Variants in PTPRD observed in about 807,000 individuals in gnomAD.
The protein encoded by PTPRD is protein tyrosine phosphatase receptor type D.
In PTPRD, 34 loss-of-function variants were observed where a neutral mutation model predicts 214.5. The ratio of observed to expected loss-of-function variants is 0.16; its 90% CI spans 0.12 to 0.21. The LOEUF (loss-of-function observed/expected upper bound fraction) is 0.21, where lower values mean the gene tolerates loss of function less well. PTPRD is among the 10% of genes least tolerant of loss of function. The pLI is 1.00. For synonymous variants in PTPRD, 1,128 were observed against 845.7 expected, an observed-to-expected ratio of 1.33 and a Z score of -5.79; for missense variants, 2,545 against 2,398.7, an observed-to-expected ratio of 1.06 and a Z score of -1.27.
chr9:10,093,317 A>G (rs967265034), intron 3 of PTPRD, among the ~76,000 whole-genome samples: 14 of 151,678 alleles, frequency 9.2e-5, no homozygotes, highest in Admixed American at 8.6e-4. Context: ...AAGATGACAT[A>G]CAAATGGCCA....
In PTPRD at chr9:8,690,421, G is replaced by A. The variant is rs185247208; in HGVS notation, c.64+43359C>T. 7.1e-4 allele frequency among the ~76,000 whole-genome samples: 108 copies of A among 151,838 alleles called. 1 individual carries two copies. The highest frequency in any genetic ancestry group is 1.2e-3 in the Non-Finnish European group (80 of 67,972). On this transcript the variant is annotated intron_variant, in intron 12 of 45. Transcript: ENST00000381196. The stretch of plus-strand genomic sequence containing the variant: ...GGGTGCCTGTAGTCCCAGCTACTTG[G>A]GAGGCTGAGGCAGGAGAACGGCATG...
chr9:9,658,819 A>G (rs2096570430), intron 7 of PTPRD, among the ~76,000 whole-genome samples: 1 of 152,026 alleles, frequency 6.6e-6, no homozygotes, highest in Admixed American at 6.6e-5. Flanking sequence ...ATCTTATTTA[A>G]TTGTCACAAC....
rs765103262 is a variant in PTPRD at position 9,163,239 on chromosome 9, G to A, written c.-143+20065C>T. On this transcript the variant is annotated intron_variant, in intron 10 of 45. Coordinates refer to ENST00000381196, the MANE Select transcript of PTPRD (RefSeq NM_002839.4). ...CCTTCAGTACAGACATCTTTCCTGG[G>A]ATACTTGCCTAGATATTTAGCTGGT... Among the ~76,000 whole-genome samples, 19 of 151,918 alleles carry A rather than the reference G, an allele frequency of 1.3e-4. 1 individual carries two copies. The highest frequency in any genetic ancestry group is 1.9e-4 in the Non-Finnish European group (13 of 67,964).
chr9:9,928,644 G>A (rs960072242), intron 5 of PTPRD, among the ~76,000 whole-genome samples: 1 of 151,976 alleles, frequency 6.6e-6, no homozygotes, highest in Non-Finnish European at 1.5e-5. Flanking sequence ...TAACTAATCT[G>A]AATATTTTAT....
chr9:10,350,273 A>AG (rs1365893888), intron 2 of PTPRD, among the ~76,000 whole-genome samples: 1 of 152,176 alleles, frequency 6.6e-6, no homozygotes, highest in Non-Finnish European at 1.5e-5. Flanking sequence ...AATATAGTCA[A>AG]GGGAACTATA....
chr9:9,901,773 G>C (rs1460775299), intron 5 of PTPRD, among the ~76,000 whole-genome samples: 1 of 152,060 alleles, frequency 6.6e-6, no homozygotes, highest in Non-Finnish European at 1.5e-5. Flanking sequence ...GGCATGGCTG[G>C]GGAGGCCCCA....
intron 5 of PTPRD, among the ~76,000 whole-genome samples, chr9:9,897,975 T>C (rs1034795668): frequency 2.0e-5 from 3 of 151,582 alleles, no homozygotes; most frequent in Non-Finnish European, 3.0e-5. Flanking sequence ...TAAGCATGGC[T>C]ATGTTTAAAT....
chr9:9,952,142 G>T (rs529374724), intron 4 of PTPRD, among the ~76,000 whole-genome samples: 8 of 152,258 alleles, frequency 5.3e-5, no homozygotes, highest in African/African-American at 1.9e-4. Context: ...TATGTGCCTA[G>T]GAGAGTCTAG....
intron 11 of PTPRD, among the ~76,000 whole-genome samples, chr9:8,939,368 G>C (rs2099017106): frequency 6.6e-6 from 1 of 151,908 alleles, no homozygotes; most frequent in Non-Finnish European, 1.5e-5. Context: ...TGGGGAATAA[G>C]TACATAAAAC....
intron 11 of PTPRD, among the ~76,000 whole-genome samples, chr9:8,902,263 A>G (rs2098675459): frequency 1.3e-5 from 2 of 152,058 alleles, no homozygotes; most frequent in Admixed American, 1.3e-4. Flanking sequence ...GACCTTAGAG[A>G]TGATTAGCAA....
intron 8 of PTPRD, among the ~76,000 whole-genome samples, chr9:9,457,267 C>A (rs1031477531): frequency 6.6e-6 from 1 of 151,798 alleles, no homozygotes; most frequent in African/African-American, 2.4e-5. Context: ...ACAAATAAAC[C>A]CCAAAAAACC....
chr9:9,939,185 C>T (rs935355600), intron 4 of PTPRD, among the ~76,000 whole-genome samples: 2 of 151,978 alleles, frequency 1.3e-5, no homozygotes, highest in Non-Finnish European at 1.5e-5. Flanking sequence ...GGAAATAGAC[C>T]GCTTGACCTC....
chr9:9,328,694 C>T (rs572079040), intron 9 of PTPRD, among the ~76,000 whole-genome samples: 13 of 123,214 alleles, frequency 1.1e-4, no homozygotes, highest in Admixed American at 3.2e-4. Context: ...CTGGAGCGCA[C>T]GGCATGATCT....
At position 9,272,934 on chromosome 9, in the gene PTPRD, T is replaced by C. The variant is rs547503531; in HGVS notation, c.-202-89571A>G. On this transcript the variant is annotated intron_variant, in intron 9 of 45. Transcript: ENST00000381196. ...CATACAAGCTTGAGGTAATTTATAG[T>C]TTCAACATTAGATAGCGCTATATGC... Among the ~76,000 whole-genome samples the C allele has an allele frequency of 4.0e-3, 600 of 151,450 alleles. 6 individuals are homozygous for C. Among genetic ancestry groups the C allele is most frequent in the African/African-American group, 0.013 (557 of 41,436 alleles).
At chr9:8,758,660 T>A (rs1344512830) in intron 11 of PTPRD, among the ~76,000 whole-genome samples, 1 of 152,150 alleles carries the variant, frequency 6.6e-6, no homozygotes, top group Non-Finnish European at 1.5e-5. Flanking sequence ...GACTTAATTG[T>A]CAATATTTAT....
chr9:8,362,983 T>C (rs1052745780), intron 39 of PTPRD, among the ~76,000 whole-genome samples: 4 of 152,244 alleles, frequency 2.6e-5, no homozygotes, highest in African/African-American at 9.6e-5. Flanking sequence ...GCTTGATTTA[T>C]CAGTTTAACA....
intron 7 of PTPRD, among the ~76,000 whole-genome samples, chr9:9,579,538 T>C (rs1045208594): frequency 2.0e-5 from 3 of 152,012 alleles, no homozygotes; most frequent in African/African-American, 7.3e-5. Flanking sequence ...ATCACCTAGG[T>C]ATTAAGCCCA....
At chr9:9,677,646 T>G (rs1349545052) in intron 7 of PTPRD, among the ~76,000 whole-genome samples, 4 of 152,056 alleles carry the variant, frequency 2.6e-5, no homozygotes, top group African/African-American at 9.7e-5. Context: ...GCATTCCCTT[T>G]GAAAACTGGC....
intron 26 of PTPRD, 32 bp from the exon 27 acceptor site, chr9:8,493,011 A>G: frequency 6.5e-7 from 1 of 1,548,782 alleles, no homozygotes; most frequent in Non-Finnish European, 8.9e-7. Context: ...TCACTGATTC[A>G]AAACATGCTA....
Sources: gnomAD v4.1 joint callset for allele counts (sites outside exome capture counted in the v4.1 genomes callset) on GRCh38, gnomAD v4.1.1 for gene constraint, MANE v1.5 for transcripts, NCBI Gene and HGNC (gene_info 2026-07-23, HGNC 2026-07-21) for gene names.